The following PLGRKT variants were observed in gnomAD, a reference collection of about 807,000 sequenced individuals.
The protein encoded by PLGRKT is plasminogen receptor (KT).
A neutral mutation model predicts 18.5 loss-of-function variants in PLGRKT; 22 were observed. The ratio of observed to expected loss-of-function variants is 1.19; its 90% confidence interval spans 0.85 to 1.70. The LOEUF (loss-of-function observed/expected upper bound fraction) is 1.70. PLGRKT is among the 40% of genes most tolerant of loss of function. The pLI is 0.00. For missense variants in PLGRKT, 235 were observed against 174.4 expected (o/e 1.35, Z -1.96); for synonymous variants, 72 against 52.8 (o/e 1.36, Z -1.58).
intron 3 of PLGRKT, among the ~76,000 whole-genome samples, chr9:5,400,266 C>T (rs187255814): frequency 2.6e-5 from 4 of 151,920 alleles, no homozygotes; most frequent in African/African-American, 9.7e-5. Flanking sequence ...ACTTCTAATA[C>T]TCAAAGGTCT....
At chr9:5,401,296 GA>G (rs1052412241) in intron 3 of PLGRKT, among the ~76,000 whole-genome samples, 2 of 82,348 alleles carry the variant, frequency 2.4e-5, no homozygotes, top group African/African-American at 1.3e-4. Flanking sequence ...GGACGGGCTA[GA>G]AAAAAATATG....
At chr9:5,429,924 CACA>C (rs1250496647) in intron 3 of PLGRKT, among the ~76,000 whole-genome samples, 2 of 152,160 alleles carry the variant, frequency 1.3e-5, no homozygotes, top group African/African-American at 2.4e-5. Context: ...TCAACCAGGA[CACA>C]ACAACTACGA....
chr9:5,376,767 T>C (rs984836109), intron 3 of PLGRKT, among the ~76,000 whole-genome samples: 4 of 152,214 alleles, frequency 2.6e-5, no homozygotes, highest in African/African-American at 9.7e-5. Context: ...CATTTCTGTA[T>C]ATACATACAC....
chr9:5,431,996 A>C lies in PLGRKT; in HGVS notation c.-6-13T>G, dbSNP rs774741288. The C allele has an allele frequency of 8.5e-7, 1 of 1,175,142 alleles. No homozygotes were observed. The highest frequency in any genetic ancestry group is 1.3e-6 in the Non-Finnish European group (1 of 783,434). 72.8% of individuals were successfully genotyped at this position (1,175,142 alleles called of 1,614,324 possible). ...ACCCCATTTTGACCTAAAATGTAAAAAAAGCAAGGAGACTTATAATAATAC... is the reference window on the plus strand; with the variant it reads ...ACCCCATTTTGACCTAAAATGTAAACAAAGCAAGGAGACTTATAATAATAC... On this transcript the variant is annotated splice_polypyrimidine_tract_variant and intron_variant, in intron 2 of 5. Transcript: ENST00000223864.
intron 3 of PLGRKT, among the ~76,000 whole-genome samples, chr9:5,399,944 C>T (rs1362179316): frequency 2.6e-5 from 4 of 151,552 alleles, no homozygotes; most frequent in Admixed American, 2.0e-4. Flanking sequence ...GAGCCAAGAT[C>T]GCACCACTGC....
Position 5,361,173 on chromosome 9 carries a change from T to A in PLGRKT, c.227A>T (p.Lys76Met). ...AATCGGGACCAGGAAGGCTGGCTTCTTTTTTTTAATCGCTCTGTTTCAAGA... is the reference window on the plus strand; with the variant it reads ...AATCGGGACCAGGAAGGCTGGCTTCATTTTTTTAATCGCTCTGTTTCAAGA... ...ISLTAGAIKK[K>M]KPAFLVPIVP... is the part of the protein sequence containing the mutation. The change falls in exon 5 of 6, where the codon AAG becomes ATG. Residue 76 changes from lysine (K) to methionine (M), a missense_variant. Transcript: ENST00000223864. The A allele has an allele frequency of 6.3e-7, 1 of 1,576,116 alleles. No homozygotes were observed. Among genetic ancestry groups the A allele is most frequent in the South Asian group, 1.1e-5 (1 of 88,614 alleles).
intron 3 of PLGRKT, among the ~76,000 whole-genome samples, chr9:5,366,947 T>C (rs367931835): frequency 1.3e-5 from 2 of 151,826 alleles, no homozygotes; most frequent in African/African-American, 4.8e-5. Flanking sequence ...ATTAGTAGCA[T>C]TTCTACACAC....
chr9:5,409,045 C>T (rs903999085), intron 3 of PLGRKT, among the ~76,000 whole-genome samples: 7 of 152,206 alleles, frequency 4.6e-5, no homozygotes, highest in African/African-American at 1.7e-4. Flanking sequence ...GTCTGGATGT[C>T]CAGGCAGAAG....
intron 3 of PLGRKT, among the ~76,000 whole-genome samples, chr9:5,407,873 T>C (rs1031926376): frequency 6.6e-6 from 1 of 152,236 alleles, no homozygotes; most frequent in African/African-American, 2.4e-5. Context: ...ATTGCATCTG[T>C]AACTATGTGT....
At chr9:5,424,994 T>C (rs959197837) in intron 3 of PLGRKT, among the ~76,000 whole-genome samples, 1 of 152,098 alleles carries the variant, frequency 6.6e-6, no homozygotes, top group Non-Finnish European at 1.5e-5. Context: ...ACAACAGATA[T>C]AAAGGTCAAA....
intron 3 of PLGRKT, among the ~76,000 whole-genome samples, chr9:5,401,882 T>A (rs1818161925): frequency 6.6e-6 from 1 of 151,994 alleles, no homozygotes; most frequent in South Asian, 2.1e-4. Flanking sequence ...ACTTCTCTGT[T>A]GTAAAATCCA....
At chr9:5,391,984 G>C (rs947477506) in intron 3 of PLGRKT, among the ~76,000 whole-genome samples, 3 of 151,922 alleles carry the variant, frequency 2.0e-5, no homozygotes, top group South Asian at 2.1e-4. Context: ...GAGAGGAGAA[G>C]TTGGTCTGGC....
At chr9:5,417,455 T>C (rs1032191332) in intron 3 of PLGRKT, among the ~76,000 whole-genome samples, 3 of 151,906 alleles carry the variant, frequency 2.0e-5, no homozygotes, top group African/African-American at 4.8e-5. Flanking sequence ...AGTAAATCCA[T>C]ATGAAGTTGG....
chr9:5,376,538 A>C (rs1004526904), intron 3 of PLGRKT, among the ~76,000 whole-genome samples: 1 of 152,210 alleles, frequency 6.6e-6, no homozygotes, highest in African/African-American at 2.4e-5. Flanking sequence ...TGGAAACAAC[A>C]ACATTAAAAT....
At position 5,409,223 on chromosome 9, in the gene PLGRKT, T is replaced by A. The variant is rs6476973; in HGVS notation, c.81+22674A>T. On this transcript the variant is annotated intron_variant, in intron 3 of 5. Coordinates refer to ENST00000223864, the MANE Select transcript of PLGRKT (RefSeq NM_018465.4). ...GCAAAGTATTAATCCTGGGTATATC[T>A]GTGAGGGTGTTGCCAAAGGAGATTA... is the stretch of plus-strand genomic sequence containing the variant. Among the ~76,000 whole-genome samples, 15 of 152,112 alleles carry A rather than the reference T, an allele frequency of 9.9e-5. 1 individual carries two copies. The Middle Eastern group carries it at 0.01, about 103-fold the overall frequency.
rs138669534 is a variant in PLGRKT at position 5,368,657 on chromosome 9, A to T, written c.82-6769T>A. ...CTATGCTCACCATTTGGGTGATGGAATCATTCGTACCCCAAACTTCAGCGC... is the reference window on the plus strand; with the variant it reads ...CTATGCTCACCATTTGGGTGATGGATTCATTCGTACCCCAAACTTCAGCGC... On this transcript the variant is annotated intron_variant, in intron 3 of 5. Coordinates refer to ENST00000223864, the MANE Select transcript of PLGRKT (RefSeq NM_018465.4). Among the ~76,000 whole-genome samples the T allele has an allele frequency of 5.6e-4, 85 of 152,316 alleles. 5 individuals carry two copies. The East Asian group carries it at 9.2e-3, about 17-fold the overall frequency.
intron 3 of PLGRKT, among the ~76,000 whole-genome samples, chr9:5,381,192 A>C (rs1183287568): frequency 3.3e-5 from 5 of 152,242 alleles, no homozygotes; most frequent in African/African-American, 1.2e-4. Flanking sequence ...GCCAAATGTT[A>C]ATAGCCAAGA....
At chr9:5,367,977 C>T (rs1242978508) in intron 3 of PLGRKT, among the ~76,000 whole-genome samples, 1 of 151,944 alleles carries the variant, frequency 6.6e-6, no homozygotes, top group Non-Finnish European at 1.5e-5. Flanking sequence ...GGCCAACAAG[C>T]ATATGAAAAA....
At chr9:5,424,685 T>TGTATATATATATATATATATATAC (rs1563790050) in intron 3 of PLGRKT, among the ~76,000 whole-genome samples, 16 of 75,158 alleles carry the variant, frequency 2.1e-4, no homozygotes, top group African/African-American at 8.0e-4. Flanking sequence ...TATATATATA[T>TGTATATATATATATATATATATAC]ATATATACAC....
Sources: allele counts gnomAD v4.1 joint callset (sites outside exome capture counted in the v4.1 genomes callset), GRCh38; gene constraint gnomAD v4.1.1; transcripts MANE v1.5; gene names NCBI Gene and HGNC (gene_info 2026-07-23, HGNC 2026-07-21).